CYP2C19: variants seen among roughly 807,000 people sequenced by gnomAD.
The protein encoded by CYP2C19 is cytochrome P450 2C19.
In CYP2C19, 59 loss-of-function variants were observed where a neutral mutation model predicts 40.9. That is an observed-to-expected ratio of 1.44 (90% CI 1.17 to 1.79). CYP2C19 has a LOEUF of 1.79. Among genes scored for constraint, CYP2C19 ranks in the 40% most tolerant of loss-of-function variants. The pLI is 0.00. For synonymous variants in CYP2C19, 253 were observed against 208.7 expected (o/e 1.21, Z -1.83); for missense variants, 754 against 596.9 (o/e 1.26, Z -2.74).
At chr10:94,766,907 TAGGG>T (rs1848253176) in intron 1 of CYP2C19, among the ~76,000 whole-genome samples, 1 of 152,056 alleles carries the variant, frequency 6.6e-6, no homozygotes, top group South Asian at 2.1e-4. Context: ...AGGCCATAGA[TAGGG>T]AGGTAGAGGG....
At chr10:94,767,874 C>T (rs777857278) in intron 1 of CYP2C19, among the ~76,000 whole-genome samples, 4 of 152,150 alleles carry the variant, frequency 2.6e-5, no homozygotes, top group Non-Finnish European at 2.9e-5. Context: ...GGGGCTTAAT[C>T]TCTTGGAGGG....
Position 94,853,012 on chromosome 10 carries a change from T to G in CYP2C19, c.*98T>G. The G allele has an allele frequency of 1.5e-6, 2 of 1,322,758 alleles. No homozygotes were observed. The highest frequency in any genetic ancestry group is 2.1e-6 in the Non-Finnish European group (2 of 952,032). 81.9% of individuals were successfully genotyped at this position (1,322,758 alleles called of 1,614,324 possible). ...CTGTGATGCTTCTTCTGACCCGTCA[T>G]CTCACATTTTCCCTTCCCCCAAGAT... On this transcript the variant is annotated 3_prime_UTR_variant, in exon 9 of 9. Transcript: ENST00000371321.
chr10:94,832,521 G>A (rs1036525967), intron 6 of CYP2C19, among the ~76,000 whole-genome samples: 2 of 152,152 alleles, frequency 1.3e-5, no homozygotes, highest in Non-Finnish European at 2.9e-5. Context: ...GATTTGGGGT[G>A]GGGACACAGC....
intron 1 of CYP2C19, among the ~76,000 whole-genome samples, chr10:94,773,498 T>G (rs979435336): frequency 1.3e-5 from 2 of 152,178 alleles, no homozygotes; most frequent in African/African-American, 4.8e-5. Flanking sequence ...GTTCATGGTC[T>G]TGCTGACTTC....
intron 1 of CYP2C19, 38 bp from the exon 2 acceptor site, chr10:94,775,020 G>A: frequency 1.2e-6 from 2 of 1,606,058 alleles, no homozygotes; most frequent in Admixed American, 1.7e-5. Flanking sequence ...GGACAAAACA[G>A]TGACTTCATT....
chr10:94,800,732 C>T (rs768536567), intron 5 of CYP2C19, among the ~76,000 whole-genome samples: 4 of 152,158 alleles, frequency 2.6e-5, no homozygotes, highest in Non-Finnish European at 4.4e-5. Context: ...ATGGTGGATG[C>T]CCCTTCCCCC....
In CYP2C19 at chr10:94,855,381, G is replaced by A. The variant is rs927958025; in HGVS notation, c.*2467G>A. Among the ~76,000 whole-genome samples, 3 of 152,210 alleles carry A rather than the reference G, an allele frequency of 2.0e-5. No homozygotes were observed. The highest frequency in any genetic ancestry group is 7.2e-5 in the African/African-American group (3 of 41,464). On this transcript the variant is annotated 3_prime_UTR_variant, in exon 9 of 9. Coordinates refer to ENST00000371321, the MANE Select transcript of CYP2C19 (RefSeq NM_000769.4). ...ACAAGGGCAATCTGACTGGAAAGTA[G>A]AAGTTGCTAACAACTTTGCTAATTC...
chr10:94,794,735 A>T (rs1330220056), intron 5 of CYP2C19, among the ~76,000 whole-genome samples: 1 of 151,922 alleles, frequency 6.6e-6, no homozygotes, highest in Non-Finnish European at 1.5e-5. Context: ...AATGCTTGTG[A>T]TTTTTGCACA....
intron 5 of CYP2C19, among the ~76,000 whole-genome samples, chr10:94,791,197 T>TG (rs1268015491): frequency 2.0e-5 from 3 of 152,174 alleles, no homozygotes; most frequent in African/African-American, 4.8e-5. Flanking sequence ...TGTATTTCTG[T>TG]GGGATCAGTG....
At chr10:94,813,636 C>T (rs1049630614) in intron 5 of CYP2C19, among the ~76,000 whole-genome samples, 2 of 151,972 alleles carry the variant, frequency 1.3e-5, no homozygotes, top group African/African-American at 4.8e-5. Flanking sequence ...CTCAACACCC[C>T]CCCCAAGCTC....
intron 5 of CYP2C19, among the ~76,000 whole-genome samples, chr10:94,791,509 A>G (rs563604530): frequency 7.4e-4 from 113 of 152,078 alleles, no homozygotes; most frequent in African/African-American, 2.5e-3. Context: ...ATTTAGTGCT[A>G]TAAATTTCCA....
At chr10:94,829,993 G>C (rs188710820) in intron 6 of CYP2C19, among the ~76,000 whole-genome samples, 1 of 152,354 alleles carries the variant, frequency 6.6e-6, no homozygotes, top group East Asian at 1.9e-4. Flanking sequence ...GGACCCACTT[G>C]AGGAGGCAGT....
chr10:94,770,395 C>T (rs1848311740), intron 1 of CYP2C19, among the ~76,000 whole-genome samples: 2 of 152,062 alleles, frequency 1.3e-5, no homozygotes, highest in South Asian at 2.1e-4. Context: ...GGGTGATTGG[C>T]CTGCTATTTT....
At chr10:94,813,390 T>C (rs907744623) in intron 5 of CYP2C19, among the ~76,000 whole-genome samples, 1 of 151,824 alleles carries the variant, frequency 6.6e-6, no homozygotes, top group African/African-American at 2.4e-5. Context: ...CTGCCACCCC[T>C]TCTTCCAGGT....
chr10:94,851,589 T>A lies in CYP2C19; in HGVS notation c.1292-1144T>A, dbSNP rs1441717360. Among the ~76,000 whole-genome samples, 8 of 152,072 alleles carry A rather than the reference T, an allele frequency of 5.3e-5. No individual in the cohort carries two copies. The East Asian group carries it at 1.2e-3, about 22-fold the overall frequency. On this transcript the variant is annotated intron_variant, in intron 8 of 8. Transcript: ENST00000371321. ...TAGGCAACTGATAAATAACAGAAAT[T>A]TATTTCTCACAGTTCTGAAGGCTGT...
chr10:94,835,014 G>A (rs1849381173), intron 6 of CYP2C19, among the ~76,000 whole-genome samples: 1 of 152,136 alleles, frequency 6.6e-6, no homozygotes, highest in South Asian at 2.1e-4. Context: ...CCTCGGGAGA[G>A]GTGCCTTCAA....
chr10:94,852,009 G>T (rs1849660835), intron 8 of CYP2C19, among the ~76,000 whole-genome samples: 1 of 152,150 alleles, frequency 6.6e-6, no homozygotes, highest in Admixed American at 6.5e-5. Flanking sequence ...TCCTGACTGT[G>T]GTAATAGAAA....
At chr10:94,829,964 C>T (rs1345357582) in intron 6 of CYP2C19, among the ~76,000 whole-genome samples, 2 of 152,218 alleles carry the variant, frequency 1.3e-5, no homozygotes, top group East Asian at 1.9e-4. Context: ...AGTTAGGCTG[C>T]TCAGGGGTCA....
In CYP2C19 at chr10:94,852,844, A is replaced by G; in HGVS notation, c.1403A>G (p.Asp468Gly). 1 of 1,614,092 alleles carries G rather than the reference A, an allele frequency of 6.2e-7. No homozygotes were observed. The highest frequency in any genetic ancestry group is 8.5e-7 in the Non-Finnish European group (1 of 1,179,978). ...TCTCTGATTGACCCAAAGGACCTTG[A>G]CACAACTCCTGTTGTCAATGGATTT... ...LKSLIDPKDL[D>G]TTPVVNGFAS... The change falls in exon 9 of 9, where the codon GAC (aspartate) becomes GGC (glycine). Residue 468 changes from aspartate to glycine, a missense_variant. By Grantham distance (94) the Asp-to-Gly change is moderately conservative (BLOSUM62 -1). Transcript: ENST00000371321.
Sources: gnomAD v4.1 joint callset for allele counts (sites outside exome capture counted in the v4.1 genomes callset) on GRCh38, gnomAD v4.1.1 for gene constraint, MANE v1.5 for transcripts, NCBI Gene and HGNC (gene_info 2026-07-23, HGNC 2026-07-21) for gene names.